CATSPERB: variants seen among roughly 807,000 people sequenced by gnomAD.
CATSPERB encodes the protein cation channel sperm-associated auxiliary subunit beta.
CATSPERB carries 93 observed loss-of-function variants against 128.3 expected under a neutral mutation model. The ratio of observed to expected loss-of-function variants is 0.72; its 90% CI spans 0.61 to 0.86. CATSPERB has a LOEUF of 0.86. Ranked by LOEUF, CATSPERB falls within the 40% of genes least tolerant of loss-of-function variation. The probability of loss-of-function intolerance (pLI) is 0.00; values close to 1 mark genes in which losing one functional copy is unlikely to be tolerated. For missense variants in CATSPERB, 1,153 were observed against 1,329.5 expected (o/e 0.87, Z 2.06); for synonymous variants, 381 against 448.8 (o/e 0.85, Z 1.91).
chr14:91,724,994 T>C (rs1409828636), intron 3 of CATSPERB, 86 bp downstream of exon 3: 1 of 537,122 alleles, frequency 1.9e-6, no homozygotes, highest in Non-Finnish European at 3.1e-6. Flanking sequence ...TAGAGGGTAT[T>C]TGGAAAGAAT....
chr14:91,712,531 C>G (rs1895856645), intron 5 of CATSPERB, among the ~76,000 whole-genome samples: 1 of 152,158 alleles, frequency 6.6e-6, no homozygotes, highest in African/African-American at 2.4e-5. Flanking sequence ...TCCTCTACCA[C>G]TTGCAGTTAT....
intron 19 of CATSPERB, among the ~76,000 whole-genome samples, chr14:91,619,261 A>G (rs768001969): frequency 1.4e-4 from 22 of 152,212 alleles, no homozygotes; most frequent in Non-Finnish European, 2.9e-4. Context: ...ATAATATTGG[A>G]ACAACTAGCT....
Position 91,704,626 on chromosome 14 carries a change from T to C in CATSPERB, c.542A>G (p.Asp181Gly), listed in dbSNP as rs1367601216. The C allele has an allele frequency of 1.9e-6, 3 of 1,613,592 alleles. No individual in the cohort carries two copies. Among genetic ancestry groups the C allele is most frequent in the Non-Finnish European group, 2.5e-6 (3 of 1,179,790 alleles). The stretch of plus-strand genomic sequence containing the variant: ...ACAGGGGCATTTTGTCACTTTGAGA[T>C]CTACCACATGTGGATATAATTTACT... ...EISKLYPHVV[D>G]LKVTKCPCAN... Residue 181 changes from aspartate to glycine, a missense_variant, in exon 7 of 27, where the codon GAT (aspartate) becomes GGT (glycine). By Grantham distance (94) the Asp-to-Gly change is moderately conservative (BLOSUM62 -1). Transcript: ENST00000256343.
chr14:91,602,531 A>T (rs1485506519), intron 22 of CATSPERB, among the ~76,000 whole-genome samples: 1 of 152,172 alleles, frequency 6.6e-6, no homozygotes, highest in Non-Finnish European at 1.5e-5. Context: ...GAGAGTACAT[A>T]AGAGAGATGG....
At chr14:91,635,823 A>G (rs571042263) in intron 17 of CATSPERB, 1 of 152,298 alleles carries the variant, frequency 6.6e-6, no homozygotes, top group South Asian at 2.1e-4. Flanking sequence ...ATATACAAGA[A>G]TTGTCATTTG....
intron 26 of CATSPERB, among the ~76,000 whole-genome samples, chr14:91,582,726 C>G (rs561377971): frequency 6.6e-6 from 1 of 152,220 alleles, no homozygotes; most frequent in Non-Finnish European, 1.5e-5. Context: ...CCCACTCAGC[C>G]ACACTGGCAA....
intron 16 of CATSPERB, 25 bp from the exon 17 acceptor site, chr14:91,636,604 T>C: frequency 6.3e-7 from 1 of 1,580,584 alleles, no homozygotes; most frequent in South Asian, 1.1e-5. Flanking sequence ...AAGAAAATAT[T>C]ATATTTAAAC....
chr14:91,682,580 C>A (rs1398792490), intron 11 of CATSPERB, among the ~76,000 whole-genome samples: 1 of 152,174 alleles, frequency 6.6e-6, no homozygotes, highest in African/African-American at 2.4e-5. Context: ...ACAGTTGGCC[C>A]TTCCTATCCT....
intron 15 of CATSPERB, among the ~76,000 whole-genome samples, chr14:91,640,579 A>C (rs1401506962): frequency 1.1e-5 from 1 of 91,456 alleles, no homozygotes; most frequent in Non-Finnish European, 2.2e-5. Flanking sequence ...TGAACTCATC[A>C]TTTTTTATGG....
At chr14:91,603,286 T>C in intron 22 of CATSPERB, 2 of 1,334,034 alleles carry the variant, frequency 1.5e-6, no homozygotes, top group Non-Finnish European at 1.1e-6. Context: ...CCTTCTCCTG[T>C]CTTCAGTGGC....
At chr14:91,719,564 T>A in intron 4 of CATSPERB, 86 bp from the exon 5 acceptor site, 1 of 1,088,756 alleles carries the variant, frequency 9.2e-7, no homozygotes. Context: ...TAAAAGAGAA[T>A]TAAACAAAAA....
intron 4 of CATSPERB, among the ~76,000 whole-genome samples, chr14:91,720,755 T>C (rs987761736): frequency 3.9e-5 from 6 of 152,174 alleles, no homozygotes; most frequent in African/African-American, 1.4e-4. Context: ...TATTATTTTA[T>C]GTAACTCAGA....
intron 19 of CATSPERB, among the ~76,000 whole-genome samples, chr14:91,619,861 T>TTGTG (rs55687285): frequency 0.015 from 2,108 of 139,072 alleles, 30 homozygotes; most frequent in East Asian, 0.047. Context: ...TGTAATAAAA[T>TTGTG]TGTGTGTGTG....
chr14:91,640,364 A>T (rs56407549), intron 15 of CATSPERB, among the ~76,000 whole-genome samples: 31,527 of 124,012 alleles, frequency 0.25, 4,060 homozygotes, highest in African/African-American at 0.3. Flanking sequence ...ATCTAGCATT[A>T]GGTATATCTC....
chr14:91,603,342 A>G, intron 22 of CATSPERB: 2 of 1,606,754 alleles, frequency 1.2e-6, no homozygotes, highest in Non-Finnish European at 1.7e-6. Context: ...TGGTTTCAAC[A>G]CTACATCAGG....
intron 26 of CATSPERB, among the ~76,000 whole-genome samples, chr14:91,586,095 C>T (rs1374038908): frequency 1.3e-5 from 2 of 152,172 alleles, no homozygotes; most frequent in Non-Finnish European, 2.9e-5. Flanking sequence ...TTTGTAGTTT[C>T]ATTTCAAAGG....
intron 20 of CATSPERB, among the ~76,000 whole-genome samples, chr14:91,617,285 C>G (rs1314507236): frequency 1.3e-5 from 2 of 152,094 alleles, no homozygotes; most frequent in African/African-American, 4.8e-5. Context: ...TTTCATACAG[C>G]TCAACTTAAT....
intron 22 of CATSPERB, chr14:91,604,823 G>A (rs1893669625): frequency 6.5e-7 from 1 of 1,546,900 alleles, no homozygotes; most frequent in Admixed American, 1.7e-5. Context: ...GGCCTTCTGA[G>A]TCACACCATT....
At chr14:91,590,839 G>A (rs562305966) in intron 23 of CATSPERB, among the ~76,000 whole-genome samples, 2 of 151,586 alleles carry the variant, frequency 1.3e-5, no homozygotes, top group Non-Finnish European at 2.9e-5. Context: ...TTTTAGTAGA[G>A]ACAGGGTTTC....
Sources: allele counts gnomAD v4.1 joint callset (sites outside exome capture counted in the v4.1 genomes callset), GRCh38; gene constraint gnomAD v4.1.1; transcripts MANE v1.5; gene names NCBI Gene and HGNC (gene_info 2026-07-23, HGNC 2026-07-21).